The following PIK3R4 variants were observed in gnomAD, a reference collection of about 807,000 sequenced individuals.
The protein encoded by PIK3R4 is phosphoinositide-3-kinase regulatory subunit 4.
Under a neutral mutation model 136.5 loss-of-function variants are expected in PIK3R4, and 46 were observed. The ratio of observed to expected loss-of-function variants is 0.34; its 90% CI spans 0.27 to 0.43. PIK3R4 has a LOEUF of 0.43. Ranked by LOEUF, PIK3R4 falls within the 20% of genes least tolerant of loss-of-function variation. The pLI is 1.00. For missense variants in PIK3R4, 1,331 were observed against 1,649.5 expected (o/e 0.81, Z 3.35); for synonymous variants, 557 against 566.7 (o/e 0.98, Z 0.24).
rs758870853 is a variant in PIK3R4, at chr3:130,680,763, A to C, written c.3798-42T>G. ...AAATGATGACAATCTCTTCAGGACA[A>C]TGGGAGGAACTAATAATCATTGGCT... On this transcript the variant is annotated intron_variant, in intron 18 of 19. Coordinates refer to ENST00000356763, the MANE Select transcript of PIK3R4 (RefSeq NM_014602.3). 5.7e-6 allele frequency: 7 copies of C among 1,233,604 alleles called. No individual in the cohort carries two copies. The African/African-American group carries it at 9.0e-5, about 16-fold the overall frequency. The allele number at this position is 1,233,604 out of a possible 1,614,324, so 76.4% of individuals were successfully genotyped here.
intron 15 of PIK3R4, 122 bp from the exon 16 acceptor site, chr3:130,684,503 TA>T (rs570202185): frequency 2.8e-5 from 24 of 861,102 alleles, no homozygotes; most frequent in African/African-American, 5.1e-5. Context: ...CTTCGTTACT[TA>T]AAAAAAAGTT....
rs760859115 is a variant in PIK3R4 at position 130,734,022 on chromosome 3, G to C, written c.976C>G (p.Pro326Ala). 1 of 1,614,002 alleles carries C rather than the reference G, an allele frequency of 6.2e-7. No homozygotes were observed. The highest frequency in any genetic ancestry group is 8.5e-7 in the Non-Finnish European group (1 of 1,179,994). The change falls in exon 4 of 20, where the codon CCC (proline) becomes GCC (alanine). Residue 326 changes from proline (P) to alanine (A), a missense_variant. Coordinates refer to ENST00000356763, the MANE Select transcript of PIK3R4 (RefSeq NM_014602.3). ...FPEIFYTFLQPYMAQFAKETF... is the reference protein window; with the variant it reads ...FPEIFYTFLQAYMAQFAKETF... ...TCCTTGGCAAACTGGGCCATGTAGGGCTGAAGAAAAGTGTAAAATATTTCA... is the reference window on the plus strand; with the variant it reads ...TCCTTGGCAAACTGGGCCATGTAGGCCTGAAGAAAAGTGTAAAATATTTCA...
At chr3:130,709,451 T>G (rs562750968) in intron 9 of PIK3R4, among the ~76,000 whole-genome samples, 1 of 152,122 alleles carries the variant, frequency 6.6e-6, no homozygotes, top group Non-Finnish European at 1.5e-5. Flanking sequence ...CAGACTATGA[T>G]AAAACCAACC....
In PIK3R4 at chr3:130,679,424, G is replaced by GACTC; in HGVS notation, c.3964_3967dup (p.Ser1323Ter). On this transcript the variant is annotated stop_gained and frameshift_variant, in exon 20 of 20. Coordinates refer to ENST00000356763, the MANE Select transcript of PIK3R4 (RefSeq NM_014602.3). LOFTEE classifies it high-confidence loss of function. ...GATGTCATGATGTCCCACGGGCAGG[G>GACTC]ACTCTGGGCCCCTTCGAGGGGTGTC... 2 of 1,612,908 alleles carry GACTC rather than the reference G, an allele frequency of 1.2e-6. No individual in the cohort carries two copies. The highest frequency in any genetic ancestry group is 1.7e-6 in the Non-Finnish European group (2 of 1,178,960).
intron 6 of PIK3R4, among the ~76,000 whole-genome samples, chr3:130,726,868 T>C (rs1439436832): frequency 6.6e-6 from 1 of 151,940 alleles, no homozygotes; most frequent in Non-Finnish European, 1.5e-5. Context: ...TATAACATTA[T>C]TTGGAAGAAG....
rs1409098450 is a variant in PIK3R4, at chr3:130,746,553, GAGA to G, written c.-285_-283del. The G allele has an allele frequency of 6.6e-6, 1 of 152,296 alleles. No individual in the cohort carries two copies. The highest frequency in any genetic ancestry group is 1.5e-5 in the Non-Finnish European group (1 of 68,130). 9.4% of individuals were successfully genotyped at this position (152,296 alleles called of 1,614,324 possible). A position where few individuals can be genotyped will look rare whatever the true frequency, so the allele number is the denominator to read the frequency against. On this transcript the variant is annotated 5_prime_UTR_variant, in exon 1 of 20. Coordinates refer to ENST00000356763, the MANE Select transcript of PIK3R4 (RefSeq NM_014602.3). ...GGAAAGCTCTCGGGGTCTCAGCAGA[GAGA>G]AGAAGCCACGCTAAAGAGTCTCCAC...
chr3:130,696,985 T>C (rs1306623239), intron 13 of PIK3R4, among the ~76,000 whole-genome samples: 1 of 152,020 alleles, frequency 6.6e-6, no homozygotes, highest in East Asian at 1.9e-4. Context: ...CCTTTTACCA[T>C]TATAAAATCT....
At position 130,744,600 on chromosome 3, in the gene PIK3R4, T is replaced by C. The variant is rs757805162; in HGVS notation, c.619A>G (p.Met207Val). The C allele has an allele frequency of 3.1e-6, 5 of 1,614,178 alleles. No individual in the cohort carries two copies. The highest frequency in any genetic ancestry group is 4.2e-6 in the Non-Finnish European group (5 of 1,180,020). The part of the protein sequence containing the change: ...IAPERFVDGG[M>V]FATELEYMRD... ...ATATATTCTAACTCAGTGGCAAACA[T>C]CCCACCATCAACAAAACGTTCAGGA... is the stretch of plus-strand genomic sequence containing the variant. Residue 207 changes from methionine (M) to valine (V), a missense_variant, in exon 2 of 20, where the codon ATG becomes GTG. This residue lies in a region of PIK3R4 where 1,180 missense variants were observed against 1,407.0 expected (regional missense o/e 0.84). Coordinates refer to ENST00000356763, the MANE Select transcript of PIK3R4 (RefSeq NM_014602.3).
At chr3:130,689,292 C>T (rs2066503995) in intron 14 of PIK3R4, among the ~76,000 whole-genome samples, 1 of 152,182 alleles carries the variant, frequency 6.6e-6, no homozygotes, top group Non-Finnish European at 1.5e-5. Flanking sequence ...ACTGAATGTG[C>T]ATGTCTGTCT....
chr3:130,701,220 G>A (rs964841472), intron 13 of PIK3R4, among the ~76,000 whole-genome samples: 5 of 152,052 alleles, frequency 3.3e-5, no homozygotes, highest in African/African-American at 1.2e-4. Context: ...TAATTAAAAT[G>A]CTAAGAATGG....
intron 14 of PIK3R4, among the ~76,000 whole-genome samples, chr3:130,687,308 C>T (rs776289437): frequency 1.3e-5 from 2 of 152,134 alleles, no homozygotes; most frequent in African/African-American, 4.8e-5. Context: ...CGAAAACTTA[C>T]AGTTTTTGGA....
chr3:130,740,461 G>A (rs1337614667), intron 2 of PIK3R4, among the ~76,000 whole-genome samples: 1 of 152,144 alleles, frequency 6.6e-6, no homozygotes, highest in Non-Finnish European at 1.5e-5. Context: ...TGAAGGCCGG[G>A]CACAGTGGCT....
Position 130,686,393 on chromosome 3 carries a change from A to G in PIK3R4, c.3293T>C (p.Val1098Ala). Reference sequence around the variant, plus strand: ...AGAGTTGAAGTGATGCATATCCACAACACAACCGTCCTCCTTCTGATCTAG... The same window carrying G: ...AGAGTTGAAGTGATGCATATCCACAGCACAACCGTCCTCCTTCTGATCTAG... ...RILDQKEDGCVVDMHHFNSGA... is the reference protein window; with the variant it reads ...RILDQKEDGCAVDMHHFNSGA... Residue 1098 changes from valine (V) to alanine (A), a missense_variant, in exon 15 of 20, where the codon GTT becomes GCT. By Grantham distance (64) the Val-to-Ala change is moderately conservative. Around this residue, in one of 2 missense-constraint regions of PIK3R4, gnomAD observed 1,180 missense variants for 1,407.0 expected, o/e 0.84. Coordinates refer to ENST00000356763, the MANE Select transcript of PIK3R4 (RefSeq NM_014602.3). 2 of 1,612,034 alleles carry G rather than the reference A, an allele frequency of 1.2e-6. No individual in the cohort carries two copies. The highest frequency in any genetic ancestry group is 1.7e-6 in the Non-Finnish European group (2 of 1,178,084).
intron 13 of PIK3R4, among the ~76,000 whole-genome samples, chr3:130,701,282 C>A (rs957267359): frequency 6.6e-6 from 1 of 152,040 alleles, no homozygotes; most frequent in Non-Finnish European, 1.5e-5. Flanking sequence ...GAGGCTGAGG[C>A]GGGCGGATCA....
Position 130,708,388 on chromosome 3 carries a change from A to G in PIK3R4, c.2436T>C (p.Asp812=). 1.2e-6 allele frequency: 2 copies of G among 1,613,754 alleles called. No homozygotes were observed. The highest frequency in any genetic ancestry group is 2.7e-5 in the African/African-American group (2 of 75,020). Residue 812 remains aspartate, a synonymous_variant, in exon 10 of 20, where the codon GAT becomes GAC. Transcript: ENST00000356763. The stretch of plus-strand genomic sequence containing the variant: ...AGTCAATTACACCTTTCTGACTACT[A>G]TCATGAAGATGGCTCTGGTCCACTA... ...ANIVDQSHLH[D]SSQKGVIDLA...
chr3:130,682,458 G>A (rs564287479), intron 16 of PIK3R4, among the ~76,000 whole-genome samples: 1 of 152,190 alleles, frequency 6.6e-6, no homozygotes, highest in African/African-American at 2.4e-5. Flanking sequence ...CAGACTTCTG[G>A]CCTCTAGAAT....
At chr3:130,707,284 T>C (rs1559824217) in intron 10 of PIK3R4, 149 bp from the exon 11 acceptor site, 1 of 504,624 alleles carries the variant, frequency 2.0e-6, no homozygotes, top group Non-Finnish European at 3.4e-6. Context: ...AATTTATTCA[T>C]ATTCATGTAT....
At chr3:130,726,986 G>A (rs2066735313) in intron 6 of PIK3R4, among the ~76,000 whole-genome samples, 1 of 151,892 alleles carries the variant, frequency 6.6e-6, no homozygotes, top group South Asian at 2.1e-4. Context: ...ATAAATTAAT[G>A]CAAAAATAAA....
chr3:130,691,524 A>T (rs978979374), intron 13 of PIK3R4, among the ~76,000 whole-genome samples: 4 of 152,108 alleles, frequency 2.6e-5, no homozygotes, highest in Non-Finnish European at 4.4e-5. Context: ...TATATCATCT[A>T]CACAGGGGAC....
Sources: gnomAD v4.1 joint callset for allele counts (sites outside exome capture counted in the v4.1 genomes callset) on GRCh38, gnomAD v4.1.1 for gene constraint, gnomAD v4.1.1 regional missense constraint, MANE v1.5 for transcripts, NCBI Gene and HGNC (gene_info 2026-07-23, HGNC 2026-07-21) for gene names.